Variants in BRCC3 observed in about 807,000 individuals in gnomAD.
The protein encoded by BRCC3 is lys-63-specific deubiquitinase BRCC36.
Under a neutral mutation model 28.0 loss-of-function variants are expected in BRCC3, and 15 were observed. That is an observed-to-expected ratio of 0.54 (90% CI 0.36 to 0.82). BRCC3 has a LOEUF of 0.82. Among genes scored for constraint, BRCC3 ranks in the 40% least tolerant of loss-of-function variants. BRCC3 has a pLI of 0.01. For synonymous variants in BRCC3, 66 were observed against 80.3 expected, an observed-to-expected ratio of 0.82 and a Z score of 0.95; for missense variants, 109 against 225.9, an observed-to-expected ratio of 0.48 and a Z score of 3.32.
chrX:155,111,885 G>T (rs190489503), intron 7 of BRCC3, among the ~76,000 whole-genome samples: 458 of 111,831 alleles, frequency 4.1e-3, no homozygotes, highest in Middle Eastern at 0.027. Flanking sequence ...TGGGGAATAT[G>T]TTCCAAGAAC....
intron 7 of BRCC3, among the ~76,000 whole-genome samples, chrX:155,092,100 T>C (rs1469866461): frequency 8.9e-6 from 1 of 111,996 alleles, no homozygotes; most frequent in Non-Finnish European, 1.9e-5. Context: ...TATCTCTAAA[T>C]AATATACTTA....
rs1393749507 is a variant in BRCC3, at chrX:155,116,198, C to G, written c.680+10C>G. On this transcript the variant is annotated intron_variant, in intron 8 of 10. Coordinates refer to ENST00000330045, the MANE Select transcript of BRCC3 (RefSeq NM_001018055.3). Reference sequence around the variant, plus strand: ...ATAGGAGGATCCACAGGTAGAGACCCTCTTCACTCCTCTTCTCTACTTCTC... The same window carrying G: ...ATAGGAGGATCCACAGGTAGAGACCGTCTTCACTCCTCTTCTCTACTTCTC... 2 of 1,161,312 alleles carry G rather than the reference C, an allele frequency of 1.7e-6. No homozygotes were observed. Among genetic ancestry groups the G allele is most frequent in the Non-Finnish European group, 1.2e-6 (1 of 868,411 alleles).
intron 7 of BRCC3, chrX:155,099,452 G>T: frequency 3.4e-6 from 4 of 1,167,441 alleles, no homozygotes; most frequent in Non-Finnish European, 4.6e-6. Context: ...GACCTTCCCA[G>T]AAGTCCCAGA....
In BRCC3 at chrX:155,089,531, T is replaced by TG. The variant is rs199537305; in HGVS notation, c.492+184dup. Among the ~76,000 whole-genome samples the TG allele has an allele frequency of 7.2e-4, 80 of 111,496 alleles. No individual in the cohort carries two copies. In the East Asian group the frequency reaches 0.012, roughly 16 times the overall value. On this transcript the variant is annotated intron_variant, in intron 6 of 10. Transcript: ENST00000330045. ...GAGGGAACAAGTCTTGTGGATTTCTTGGGGAAAGAACGTTCCAGGCAGAGG... is the reference window on the plus strand; with the variant it reads ...GAGGGAACAAGTCTTGTGGATTTCTTGGGGGAAAGAACGTTCCAGGCAGAGG...
chrX:155,120,829 G>A (rs1557299331), intron 10 of BRCC3, among the ~76,000 whole-genome samples: 1 of 111,529 alleles, frequency 9.0e-6, no homozygotes, highest in Non-Finnish European at 1.9e-5. Context: ...TAGGATTGAG[G>A]ATATAATAAA....
intron 2 of BRCC3, among the ~76,000 whole-genome samples, chrX:155,072,687 G>T (rs1431929188): frequency 9.0e-6 from 1 of 110,599 alleles, no homozygotes; most frequent in Non-Finnish European, 1.9e-5. Context: ...TCAGACTCCC[G>T]AATAGCTGAG....
intron 7 of BRCC3, among the ~76,000 whole-genome samples, chrX:155,097,682 T>C (rs1460487190): frequency 8.9e-6 from 1 of 112,523 alleles, no homozygotes; most frequent in Non-Finnish European, 1.9e-5. Flanking sequence ...TGTAAAATGG[T>C]ACACCCACTG....
rs1338825669 is a variant in BRCC3 at position 155,121,359 on chromosome X, G to A, written c.*155G>A. ...ATCAAGATAGATGGTATTGGCAGAG[G>A]AACAGACACATACGTCAATGGAACA... On this transcript the variant is annotated 3_prime_UTR_variant, in exon 11 of 11. Transcript: ENST00000330045. The A allele has an allele frequency of 1.8e-5, 2 of 111,711 alleles. No individual in the cohort carries two copies. The highest frequency in any genetic ancestry group is 6.5e-5 in the African/African-American group (2 of 30,706). 9.2% of individuals were successfully genotyped at this position (111,711 alleles called of 1,213,427 possible).
At chrX:155,086,982 C>G (rs2074135336) in intron 5 of BRCC3, among the ~76,000 whole-genome samples, 2 of 111,929 alleles carry the variant, frequency 1.8e-5, no homozygotes, top group African/African-American at 3.3e-5. Flanking sequence ...TGAGAGGTGG[C>G]CAGCAGAGGT....
In BRCC3 at chrX:155,080,573, G is replaced by T. The variant is rs192470309; in HGVS notation, c.403+1870G>T. The stretch of plus-strand genomic sequence containing the variant: ...TAATTCAAGACAAAATAGATTTGGA[G>T]TCCAGAGTATAGATATCCTACCTGA... On this transcript the variant is annotated intron_variant, in intron 5 of 10. Coordinates refer to ENST00000330045, the MANE Select transcript of BRCC3 (RefSeq NM_001018055.3). 1.3e-4 allele frequency among the ~76,000 whole-genome samples: 15 copies of T among 112,119 alleles called. No individual in the cohort carries two copies. The East Asian group carries it at 4.2e-3, about 31-fold the overall frequency.
At chrX:155,087,436 A>G (rs782765238) in intron 5 of BRCC3, among the ~76,000 whole-genome samples, 9 of 111,893 alleles carry the variant, frequency 8.0e-5, no homozygotes, top group African/African-American at 2.6e-4. Flanking sequence ...TACGTGAGAC[A>G]TACTCTCAGG....
chrX:155,097,397 G>A (rs1557296373), intron 7 of BRCC3, among the ~76,000 whole-genome samples: 1 of 111,635 alleles, frequency 9.0e-6, no homozygotes. Flanking sequence ...ATAAGTACAC[G>A]TAAAGGTACT....
intron 7 of BRCC3, among the ~76,000 whole-genome samples, chrX:155,103,840 CTT>C (rs1194358261): frequency 3.8e-5 from 4 of 105,867 alleles, no homozygotes; most frequent in South Asian, 7.9e-4. Flanking sequence ...GTTTTTCAGT[CTT>C]TTTTTTTTCT....
At chrX:155,090,921 C>A in intron 7 of BRCC3, 82 bp downstream of exon 7, 2 of 724,365 alleles carry the variant, frequency 2.8e-6, no homozygotes, top group Non-Finnish European at 4.2e-6. Context: ...CATTTTATTC[C>A]TTTCACTGGT....
chrX:155,092,597 A>G (rs1179928646), intron 7 of BRCC3, among the ~76,000 whole-genome samples: 1 of 109,606 alleles, frequency 9.1e-6, no homozygotes, highest in Non-Finnish European at 1.9e-5. Context: ...TTTTCCCCTT[A>G]TTTTTCTGCC....
rs1333142786 is a variant in BRCC3 at position 155,105,933 on chromosome X, C to T, written c.549-10124C>T. Among the ~76,000 whole-genome samples, 9 of 111,987 alleles carry T rather than the reference C, an allele frequency of 8.0e-5. No homozygotes were observed. In the Admixed American group the frequency reaches 8.5e-4, roughly 11 times the overall value. On this transcript the variant is annotated intron_variant, in intron 7 of 10. Transcript: ENST00000330045. ...AAGCTGGTCTCGAACTCCCAACCTC[C>T]CAAAGTGCTGGGATTACAGGTGTGA...
chrX:155,095,794 A>T (rs1430124933), intron 7 of BRCC3, among the ~76,000 whole-genome samples: 4 of 111,347 alleles, frequency 3.6e-5, no homozygotes, highest in African/African-American at 1.3e-4. Context: ...TTGGTCTTTT[A>T]TTCTGTATTT....
intron 10 of BRCC3, among the ~76,000 whole-genome samples, chrX:155,120,684 G>A (rs1462489422): frequency 9.0e-6 from 1 of 111,139 alleles, no homozygotes; most frequent in Non-Finnish European, 1.9e-5. Context: ...CCTATCAAAC[G>A]TTGAATCTCT....
intron 7 of BRCC3, among the ~76,000 whole-genome samples, chrX:155,094,951 C>A (rs1296735441): frequency 8.9e-6 from 1 of 112,386 alleles, no homozygotes; most frequent in African/African-American, 3.2e-5. Flanking sequence ...TGAGCTGACA[C>A]CCATGTAGGA....
Sources: allele counts gnomAD v4.1 joint callset (sites outside exome capture counted in the v4.1 genomes callset), GRCh38; gene constraint gnomAD v4.1.1; transcripts MANE v1.5; gene names NCBI Gene and HGNC (gene_info 2026-07-23, HGNC 2026-07-21).